Variants in FTCDNL1 observed in about 807,000 individuals in gnomAD.
FTCDNL1 encodes formiminotransferase N-terminal subdomain-containing protein.
A neutral mutation model predicts 5.9 loss-of-function variants in FTCDNL1; 11 were observed. The ratio of observed to expected loss-of-function variants is 1.87; its 90% CI spans 1.18 to 3.10. FTCDNL1 has a LOEUF of 3.10. FTCDNL1 is among the 30% of genes most tolerant of loss of function. The pLI, the probability that FTCDNL1 is intolerant of heterozygous loss-of-function variation, is 0.00. For missense variants in FTCDNL1, 115 were observed against 65.5 expected (o/e 1.76, Z -2.61); for synonymous variants, 58 against 24.8 (o/e 2.34, Z -3.99).
intron 3 of FTCDNL1, among the ~76,000 whole-genome samples, chr2:199,795,810 T>G (rs980035786): frequency 6.6e-6 from 1 of 152,198 alleles, no homozygotes; most frequent in African/African-American, 2.4e-5. Context: ...AATGTTTGTC[T>G]TTCTGATCTG....
chr2:199,733,170 T>C, the FTCDNL1 span, among the ~76,000 whole-genome samples: 4 of 152,330 alleles, frequency 2.6e-5, no homozygotes, highest in Admixed American at 1.3e-4. Context: ...GCCAGGATAC[T>C]GAGGCTGGGA....
chr2:199,751,043 C>T, the FTCDNL1 span, among the ~76,000 whole-genome samples: 1 of 152,186 alleles, frequency 6.6e-6, no homozygotes, highest in African/African-American at 2.4e-5. Flanking sequence ...CCCCATCTAT[C>T]GAGAGACCCT....
the FTCDNL1 span, among the ~76,000 whole-genome samples, chr2:199,745,015 C>T: frequency 6.6e-6 from 1 of 152,218 alleles, no homozygotes; most frequent in Non-Finnish European, 1.5e-5. Flanking sequence ...CTGTGTCCAC[C>T]GGGCAAACCA....
intron 3 of FTCDNL1, chr2:199,844,248 G>A (rs932546612): frequency 2.5e-6 from 1 of 406,008 alleles, no homozygotes; most frequent in East Asian, 3.6e-5. Context: ...AACACACAGT[G>A]TATTGTTGAT....
In FTCDNL1 at chr2:199,820,961, G is replaced by A. The variant is rs79486963; in HGVS notation, c.212-1204C>T. ...ATCACGGATCATCAAAATCAGAGCT[G>A]AGATGAGACCTCTGGCCACAATAAG... On this transcript the variant is annotated intron_variant, in intron 3 of 4. Coordinates refer to ENST00000420128, the MANE Select transcript of FTCDNL1 (RefSeq NM_001363886.2). Among the ~76,000 whole-genome samples, 75 of 152,284 alleles carry A rather than the reference G, an allele frequency of 4.9e-4. 1 individual carries two copies. The highest frequency in any genetic ancestry group is 1.7e-3 in the African/African-American group (70 of 41,558).
the FTCDNL1 span, among the ~76,000 whole-genome samples, chr2:199,735,115 G>GAAA: frequency 2.4e-3 from 194 of 81,572 alleles, 3 homozygotes; most frequent in African/African-American, 8.3e-3. Context: ...ACTACCTTTA[G>GAAA]AAAAAAAAAA....
the FTCDNL1 span, among the ~76,000 whole-genome samples, chr2:199,718,171 G>T: frequency 3.3e-5 from 5 of 151,986 alleles, no homozygotes; most frequent in Non-Finnish European, 7.4e-5. Context: ...TGCCCAAATA[G>T]TGTACATTGT....
the FTCDNL1 span, among the ~76,000 whole-genome samples, chr2:199,723,291 G>A: frequency 2.0e-5 from 3 of 152,154 alleles, no homozygotes; most frequent in South Asian, 6.2e-4. Flanking sequence ...GGGCTGAGAT[G>A]ATGGGGTTTT....
chr2:199,784,161 T>C (rs966723680), intron 3 of FTCDNL1, among the ~76,000 whole-genome samples: 24 of 152,174 alleles, frequency 1.6e-4, no homozygotes, highest in Non-Finnish European at 2.5e-4. Context: ...AGAGTCTTTA[T>C]ATGCTACCAA....
intron 3 of FTCDNL1, among the ~76,000 whole-genome samples, chr2:199,820,215 T>C (rs183599929): frequency 8.7e-4 from 132 of 152,356 alleles, no homozygotes; most frequent in African/African-American, 3.0e-3. Flanking sequence ...TCTAATACAG[T>C]AGCCCCTAGC....
downstream of FTCDNL1, among the ~76,000 whole-genome samples, chr2:199,757,562 GA>G (rs1285758911): frequency 3.3e-5 from 5 of 151,852 alleles, no homozygotes; most frequent in Admixed American, 2.0e-4. Context: ...TAGATGACCA[GA>G]AAAAAAAGCA....
the FTCDNL1 span, among the ~76,000 whole-genome samples, chr2:199,696,397 A>T: frequency 1.3e-5 from 2 of 152,096 alleles, no homozygotes; most frequent in African/African-American, 2.4e-5. Flanking sequence ...TCCCCCTGCC[A>T]TTGAAGTGTT....
chr2:199,756,232 A>G (rs1363581919), downstream of FTCDNL1, among the ~76,000 whole-genome samples: 1 of 152,238 alleles, frequency 6.6e-6, no homozygotes, highest in African/African-American at 2.4e-5. Flanking sequence ...AATATTATTA[A>G]GCTTGTGAGA....
At chr2:199,706,693 C>T in the FTCDNL1 span, among the ~76,000 whole-genome samples, 1 of 152,186 alleles carries the variant, frequency 6.6e-6, no homozygotes, top group Admixed American at 6.5e-5. Flanking sequence ...TCACTTTGGG[C>T]CATGTCTCCT....
the FTCDNL1 span, among the ~76,000 whole-genome samples, chr2:199,701,526 C>T: frequency 6.6e-6 from 1 of 152,088 alleles, no homozygotes; most frequent in Non-Finnish European, 1.5e-5. Flanking sequence ...CATCACAGCA[C>T]TGTTCACAAT....
the FTCDNL1 span, among the ~76,000 whole-genome samples, chr2:199,670,925 G>C: frequency 1.1e-4 from 17 of 152,156 alleles, no homozygotes; most frequent in Non-Finnish European, 5.9e-5. Context: ...CTTGTGAAAA[G>C]AGGGCTAAAT....
chr2:199,738,443 G>T, the FTCDNL1 span, among the ~76,000 whole-genome samples: 3 of 152,162 alleles, frequency 2.0e-5, no homozygotes, highest in African/African-American at 4.8e-5. Flanking sequence ...GCATAAAATG[G>T]TTTATATTAC....
the FTCDNL1 span, among the ~76,000 whole-genome samples, chr2:199,728,442 G>A: frequency 1.3e-5 from 2 of 151,990 alleles, no homozygotes; most frequent in Non-Finnish European, 2.9e-5. Context: ...TAGAGACGGG[G>A]TTTCACTGTG....
At chr2:199,710,394 T>C in the FTCDNL1 span, among the ~76,000 whole-genome samples, 3 of 151,910 alleles carry the variant, frequency 2.0e-5, no homozygotes, top group African/African-American at 7.3e-5. Flanking sequence ...ATATGTTAAA[T>C]AAATGTCTTT....
Sources: allele counts gnomAD v4.1 joint callset (sites outside exome capture counted in the v4.1 genomes callset), GRCh38; gene constraint gnomAD v4.1.1; transcripts MANE v1.5; gene names NCBI Gene and HGNC (gene_info 2026-07-23, HGNC 2026-07-21).